USP11: variants seen among roughly 807,000 people sequenced by gnomAD.
USP11 encodes ubiquitin carboxyl-terminal hydrolase 11.
A neutral mutation model predicts 72.8 loss-of-function variants in USP11; 5 were observed. The ratio of observed to expected loss-of-function variants is 0.07; its 90% CI spans 0.04 to 0.14. The LOEUF (loss-of-function observed/expected upper bound fraction) is 0.14, where lower values mean the gene tolerates loss of function less well. Ranked by LOEUF, USP11 falls within the 10% of genes least tolerant of loss-of-function variation. The pLI, the probability that USP11 is intolerant of heterozygous loss-of-function variation, is 1.00. For missense variants in USP11, 480 were observed against 794.7 expected (o/e 0.60, Z 4.76); for synonymous variants, 368 against 326.5 (o/e 1.13, Z -1.37).
chrX:47,243,723 C>T (rs2055416398), intron 13 of USP11, 121 bp downstream of exon 13: 2 of 697,969 alleles, frequency 2.9e-6, no homozygotes, highest in Non-Finnish European at 2.1e-6. Context: ...TTAACATGGC[C>T]ATAGAAGAAC....
chrX:47,235,623 C>T (rs2055368699), intron 1 of USP11, among the ~76,000 whole-genome samples: 1 of 109,743 alleles, frequency 9.1e-6, no homozygotes, highest in Non-Finnish European at 1.9e-5. Context: ...CTCCCTGTCT[C>T]CATCCAGGCC....
At position 47,233,130 on chromosome X, in the gene USP11, C is replaced by T. The variant is rs769346533; in HGVS notation, c.87C>T (p.His29=). The T allele has an allele frequency of 1.7e-6, 2 of 1,198,813 alleles. No homozygotes were observed. The highest frequency in any genetic ancestry group is 4.5e-5 in the Admixed American group (2 of 44,480). Residue 29 remains histidine, a synonymous_variant, in exon 1 of 21, where the codon CAC becomes CAT. Transcript: ENST00000377107. The stretch of plus-strand genomic sequence containing the variant: ...TGACTGAGGATAGAGAGCCACAGCA[C>T]GAGGAGCTGCCAGGCCTGGACAGCC... The part of the protein sequence containing the change: ...AAVTEDREPQ[H]EELPGLDSQW...
At chrX:47,234,773 C>A (rs762011354) in intron 1 of USP11, among the ~76,000 whole-genome samples, 1 of 111,772 alleles carries the variant, frequency 8.9e-6, no homozygotes, top group Non-Finnish European at 1.9e-5. Context: ...AAGTATGTGA[C>A]GTAATGGATG....
At chrX:47,243,700 A>G in intron 13 of USP11, 98 bp downstream of exon 13, 1 of 857,796 alleles carries the variant, frequency 1.2e-6, no homozygotes, top group East Asian at 3.4e-5. Context: ...AACAAACAAA[A>G]GACAGTCCAA....
Position 47,247,415 on chromosome X carries a change from A to C in USP11, c.2532A>C (p.Gly844=). 2.5e-6 allele frequency: 3 copies of C among 1,209,752 alleles called. No homozygotes were observed. The highest frequency in any genetic ancestry group is 3.4e-6 in the Non-Finnish European group (3 of 894,584). The stretch of plus-strand genomic sequence containing the variant: ...ACCATTATGGGGGCATGCGTGATGG[A>C]CACTGTATGTGCCAGGCTGTGGGTG... ...VSNHYGGMRD[G]HYTTFACNKD... is the part of the protein sequence containing the mutation. Residue 844 remains glycine, a synonymous_variant, in exon 19 of 21, where the codon GGA becomes GGC. Coordinates refer to ENST00000377107, the MANE Select transcript of USP11 (RefSeq NM_001371072.1).
rs368013529 is a variant in USP11, at chrX:47,244,440, G to A, written c.1791-58G>A. ...TTCCCATTATCTTAAGTAAAATCCC[G>A]GGCTCTATCCCCACTGTCCTTGTAC... On this transcript the variant is annotated intron_variant, in intron 13 of 20. Transcript: ENST00000377107. 3.7e-4 allele frequency: 430 copies of A among 1,162,546 alleles called. 2 individuals are homozygous for A. In the African/African-American group the frequency reaches 7.0e-3, roughly 19 times the overall value.
intron 10 of USP11, 36 bp from the exon 11 acceptor site, chrX:47,242,403 C>T: frequency 8.3e-7 from 1 of 1,209,271 alleles, no homozygotes; most frequent in Non-Finnish European, 1.1e-6. Context: ...CACCACAAGC[C>T]CTTTTGGTCT....
At chrX:47,233,922 A>G (rs2055359309) in intron 1 of USP11, 1 of 112,185 alleles carries the variant, frequency 8.9e-6, no homozygotes, top group East Asian at 2.8e-4. Flanking sequence ...GGTGATTAGC[A>G]CCGGAGGGGC....
chrX:47,234,132 CG>C (rs1235962001), intron 1 of USP11, among the ~76,000 whole-genome samples: 2 of 111,367 alleles, frequency 1.8e-5, no homozygotes, highest in African/African-American at 6.5e-5. Flanking sequence ...TTGTGAAATA[CG>C]TAAGACTTAA....
chrX:47,237,852 G>A (rs1158644381), intron 1 of USP11, among the ~76,000 whole-genome samples: 1 of 108,650 alleles, frequency 9.2e-6, no homozygotes, highest in Non-Finnish European at 1.9e-5. Flanking sequence ...GTTTATGTCT[G>A]TGAGCTTTTA....
At chrX:47,242,980 A>G (rs2055411367) in intron 12 of USP11, among the ~76,000 whole-genome samples, 1 of 111,738 alleles carries the variant, frequency 8.9e-6, no homozygotes, top group Non-Finnish European at 1.9e-5. Flanking sequence ...AAAAATAAAT[A>G]AAGCCGGGCG....
In USP11 at chrX:47,240,662, G is replaced by T; in HGVS notation, c.743+14G>T. 8.3e-7 allele frequency: 1 copy of T among 1,211,983 alleles called. No individual in the cohort carries two copies. The highest frequency in any genetic ancestry group is 1.1e-6 in the Non-Finnish European group (1 of 895,475). On this transcript the variant is annotated intron_variant, in intron 6 of 20. Transcript: ENST00000377107. ...GCTGCATGTCATGTGAGCCCTTGGG[G>T]TATCTGGTCCAGAGCGGGGGCGTCC...
intron 9 of USP11, 90 bp from the exon 10 acceptor site, chrX:47,241,992 C>T: frequency 1.5e-5 from 15 of 995,144 alleles, no homozygotes; most frequent in Non-Finnish European, 1.9e-5. Flanking sequence ...TAGCAGTGGC[C>T]TTCCGCTTCA....
intron 1 of USP11, 165 bp downstream of exon 1, chrX:47,233,384 T>G (rs768595259): frequency 3.1e-4 from 332 of 1,076,608 alleles, no homozygotes; most frequent in Non-Finnish European, 3.4e-4. Context: ...TGCCTTTGAA[T>G]GAATCGCAAC....
Position 47,241,650 on chromosome X carries a change from A to G in USP11, c.1130A>G (p.Lys377Arg). Residue 377 changes from lysine (K) to arginine (R), a missense_variant, in exon 9 of 21, where the codon AAG (lysine) becomes AGG (arginine). Physicochemically the swap from Lys to Arg is conservative, Grantham distance 26. Around this residue, in one of 5 missense-constraint regions of USP11, gnomAD observed 314 missense variants for 556.0 expected, o/e 0.56. Transcript: ENST00000377107. ...CTGCATGAGGACCTTAATCGGGTGA[A>G]GAAGAAGGAGTATGTGGAGCTGTGC... Reference protein sequence around the residue: ...DGLHEDLNRVKKKEYVELCDA... With the variant: ...DGLHEDLNRVRKKEYVELCDA... 1 of 1,210,094 alleles carries G rather than the reference A, an allele frequency of 8.3e-7. No individual in the cohort carries two copies. Among genetic ancestry groups the G allele is most frequent in the Non-Finnish European group, 1.1e-6 (1 of 894,796 alleles).
intron 1 of USP11, among the ~76,000 whole-genome samples, 167 bp from the exon 2 acceptor site, chrX:47,238,903 C>CT (rs1329405706): frequency 8.9e-6 from 1 of 112,173 alleles, no homozygotes; most frequent in African/African-American, 3.2e-5. Context: ...ACATACAAAT[C>CT]TGAGTTTCAC....
At position 47,240,440 on chromosome X, in the gene USP11, A is replaced by T. The variant is rs1319217238; in HGVS notation, c.671A>T (p.Glu224Val). Residue 224 changes from glutamate to valine, a missense_variant, in exon 5 of 21, where the codon GAG (glutamate) becomes GTG (valine). By Grantham distance (121) the Glu-to-Val change is moderately radical. Around this residue, in one of 5 missense-constraint regions of USP11, gnomAD observed 80 missense variants for 100.9 expected, o/e 0.79. Transcript: ENST00000377107. ...ATCACGGTTCTCGATGCGGCCCTTGAGACTGGGCAGGTAAGGGTGGGGAGG... is the reference window on the plus strand; with the variant it reads ...ATCACGGTTCTCGATGCGGCCCTTGTGACTGGGCAGGTAAGGGTGGGGAGG... ...THITVLDAAL[E>V]TGQLIIMETR... is the part of the protein sequence containing the mutation. The T allele has an allele frequency of 8.3e-7, 1 of 1,209,700 alleles. No individual in the cohort carries two copies. Among genetic ancestry groups the T allele is most frequent in the African/African-American group, 1.8e-5 (1 of 57,056 alleles).
chrX:47,241,707 G>T lies in USP11; in HGVS notation c.1179+8G>T, dbSNP rs755828054. On this transcript the variant is annotated splice_region_variant and intron_variant, in intron 9 of 20. Transcript: ENST00000377107. ...GCTGGGCGACCGGATCAGGTAGGCT[G>T]CCCCCGCATTTGCAGTCCAATTAAC... is the stretch of plus-strand genomic sequence containing the variant. 1.7e-6 allele frequency: 2 copies of T among 1,178,646 alleles called. No individual in the cohort carries two copies. Among genetic ancestry groups the T allele is most frequent in the Non-Finnish European group, 2.3e-6 (2 of 880,510 alleles).
chrX:47,243,571 G>A lies in USP11; in HGVS notation c.1759G>A (p.Gly587Ser). The A allele has an allele frequency of 8.3e-7, 1 of 1,211,772 alleles. No homozygotes were observed. Among genetic ancestry groups the A allele is most frequent in the Non-Finnish European group, 1.1e-6 (1 of 895,497 alleles). The change falls in exon 13 of 21, where the codon GGC becomes AGC. Residue 587 changes from glycine (G) to serine (S), a missense_variant. Around this residue, in one of 5 missense-constraint regions of USP11, gnomAD observed 314 missense variants for 556.0 expected, o/e 0.56. Coordinates refer to ENST00000377107, the MANE Select transcript of USP11 (RefSeq NM_001371072.1). ...SVPRDRFTWE[G>S]LYNVLMYRLS... ...GCCCCGGGACCGCTTCACCTGGGAG[G>A]GCCTGTATAACGTCCTGATGTACCG...
Sources: allele counts gnomAD v4.1 joint callset (sites outside exome capture counted in the v4.1 genomes callset), GRCh38; gene constraint gnomAD v4.1.1; regional missense constraint gnomAD v4.1.1; transcripts MANE v1.5; gene names NCBI Gene and HGNC (gene_info 2026-07-23, HGNC 2026-07-21).